The following CACNA2D3 variants were observed in gnomAD, a reference collection of about 807,000 sequenced individuals.
CACNA2D3 encodes the protein calcium voltage-gated channel auxiliary subunit alpha2delta 3.
Under a neutral mutation model 160.6 loss-of-function variants are expected in CACNA2D3, and 60 were observed. The observed-to-expected ratio is 0.37, with a 90% CI of 0.30 to 0.46. The LOEUF is 0.46. Ranked by LOEUF, CACNA2D3 falls within the 20% of genes least tolerant of loss-of-function variation. CACNA2D3 has a pLI of 1.00. For missense variants in CACNA2D3, 1,205 were observed against 1,365.0 expected (o/e 0.88, Z 1.85); for synonymous variants, 558 against 492.9 (o/e 1.13, Z -1.75).
At chr3:54,185,478 C>T (rs1700864795) in intron 2 of CACNA2D3, among the ~76,000 whole-genome samples, 2 of 152,172 alleles carry the variant, frequency 1.3e-5, no homozygotes, top group African/African-American at 2.4e-5. Context: ...TTGTCTGCAG[C>T]ACACTTCTAG....
chr3:54,452,185 A>G (rs1471653784), intron 4 of CACNA2D3, among the ~76,000 whole-genome samples: 1 of 152,166 alleles, frequency 6.6e-6, no homozygotes, highest in Non-Finnish European at 1.5e-5. Flanking sequence ...GCATGGCTGG[A>G]GAGGCCTCAC....
intron 2 of CACNA2D3, among the ~76,000 whole-genome samples, chr3:54,218,049 TAGAG>T (rs1011376726): frequency 2.4e-4 from 36 of 151,520 alleles, no homozygotes; most frequent in South Asian, 1.7e-3. Flanking sequence ...AAAGGTGTGT[TAGAG>T]AGAGAGGTGC....
At chr3:54,867,840 G>A (rs560232317) in intron 17 of CACNA2D3, among the ~76,000 whole-genome samples, 11 of 152,318 alleles carry the variant, frequency 7.2e-5, no homozygotes, top group East Asian at 3.9e-4. Context: ...TTGAATTTGC[G>A]TGGGTTATGT....
intron 32 of CACNA2D3, among the ~76,000 whole-genome samples, chr3:55,006,941 C>T (rs1703109301): frequency 6.6e-6 from 1 of 152,164 alleles, no homozygotes; most frequent in Non-Finnish European, 1.5e-5. Context: ...ACAAAAGGTT[C>T]TGAGATTCTT....
At chr3:54,928,889 T>C (rs755260543) in intron 27 of CACNA2D3, among the ~76,000 whole-genome samples, 5 of 152,196 alleles carry the variant, frequency 3.3e-5, no homozygotes, top group Non-Finnish European at 1.5e-5. Context: ...TCTTCTCTAA[T>C]TGAAGCTTCA....
intron 2 of CACNA2D3, among the ~76,000 whole-genome samples, chr3:54,200,063 C>A (rs1241735613): frequency 1.3e-5 from 2 of 152,160 alleles, no homozygotes; most frequent in Non-Finnish European, 2.9e-5. Flanking sequence ...TAATATCTGG[C>A]CCTTTATAGG....
chr3:54,652,755 C>G (rs1243199921), intron 11 of CACNA2D3, among the ~76,000 whole-genome samples: 1 of 143,770 alleles, frequency 7.0e-6, no homozygotes, highest in Non-Finnish European at 1.5e-5. Context: ...GGATGTGATC[C>G]AAGGGGTTGG....
At chr3:54,737,975 C>T (rs537496948) in intron 11 of CACNA2D3, among the ~76,000 whole-genome samples, 3 of 152,300 alleles carry the variant, frequency 2.0e-5, no homozygotes, top group African/African-American at 4.8e-5. Flanking sequence ...CAGAGGGACT[C>T]TATCTTATTC....
chr3:55,002,644 C>T (rs1468876465), intron 31 of CACNA2D3, among the ~76,000 whole-genome samples: 1 of 152,174 alleles, frequency 6.6e-6, no homozygotes, highest in Non-Finnish European at 1.5e-5. Flanking sequence ...AGCTTCTTGC[C>T]TGCATCTGTG....
At chr3:54,263,100 G>A (rs1213440958) in intron 2 of CACNA2D3, among the ~76,000 whole-genome samples, 1 of 152,168 alleles carries the variant, frequency 6.6e-6, no homozygotes, top group Non-Finnish European at 1.5e-5. Flanking sequence ...TTCTACCACT[G>A]TTCTAATACA....
intron 31 of CACNA2D3, 105 bp downstream of exon 31, chr3:54,987,858 T>C: frequency 2.8e-6 from 2 of 717,252 alleles, no homozygotes; most frequent in East Asian, 2.9e-5. Context: ...CTGTGGCTGG[T>C]TTTTACTTGT....
intron 16 of CACNA2D3, among the ~76,000 whole-genome samples, chr3:54,840,263 A>G (rs1021009175): frequency 6.6e-6 from 1 of 152,116 alleles, no homozygotes; most frequent in East Asian, 1.9e-4. Context: ...CTACCAGGCA[A>G]TGTGCAGAGC....
intron 11 of CACNA2D3, among the ~76,000 whole-genome samples, chr3:54,722,687 C>G (rs1460561957): frequency 1.3e-5 from 2 of 152,194 alleles, no homozygotes; most frequent in Admixed American, 1.3e-4. Flanking sequence ...TGGAGGTCCA[C>G]TCCCGACCCT....
chr3:54,293,423 C>T (rs556501292), intron 2 of CACNA2D3, among the ~76,000 whole-genome samples: 1 of 152,208 alleles, frequency 6.6e-6, no homozygotes, highest in Admixed American at 6.5e-5. Flanking sequence ...CATAGCTTAG[C>T]TCCCATTTAT....
At chr3:54,874,610 G>A (rs534888265) in intron 18 of CACNA2D3, 3 of 150,584 alleles carry the variant, frequency 2.0e-5, no homozygotes, top group East Asian at 4.1e-4. Flanking sequence ...AAGTTCATGA[G>A]TGAACTTATT....
At chr3:54,702,334 A>C (rs2106949428) in intron 11 of CACNA2D3, among the ~76,000 whole-genome samples, 1 of 152,270 alleles carries the variant, frequency 6.6e-6, no homozygotes, top group South Asian at 2.1e-4. Flanking sequence ...AATGGGAGAA[A>C]ATATTTGCAA....
chr3:54,629,606 G>A (rs140422647), intron 10 of CACNA2D3, among the ~76,000 whole-genome samples: 5 of 152,166 alleles, frequency 3.3e-5, no homozygotes, highest in East Asian at 1.9e-4. Flanking sequence ...GTAAGAGTCC[G>A]TGTTTTGGAC....
chr3:54,625,155 A>C (rs1047191151), intron 9 of CACNA2D3, among the ~76,000 whole-genome samples: 1 of 152,130 alleles, frequency 6.6e-6, no homozygotes, highest in Non-Finnish European at 1.5e-5. Context: ...CCATCACTCA[A>C]GCCATTTGAT....
chr3:54,566,787 A>G (rs1702416328), intron 6 of CACNA2D3, among the ~76,000 whole-genome samples: 1 of 152,174 alleles, frequency 6.6e-6, no homozygotes, highest in Non-Finnish European at 1.5e-5. Context: ...TCCTTGCACT[A>G]TGATTTGGCT....
Sources: gnomAD v4.1 joint callset for allele counts (sites outside exome capture counted in the v4.1 genomes callset) on GRCh38, gnomAD v4.1.1 for gene constraint, MANE v1.5 for transcripts, NCBI Gene and HGNC (gene_info 2026-07-23, HGNC 2026-07-21) for gene names.